Variants in MTCL2 observed in about 807,000 individuals in gnomAD.
MTCL2 encodes the protein microtubule crosslinking factor 2, also known as microtubule cross-linking factor 2.
At chr20:36,821,067 A>G in the MTCL2 span, among the ~76,000 whole-genome samples, 1 of 152,230 alleles carries the variant, frequency 6.6e-6, no homozygotes, top group Admixed American at 6.5e-5. Flanking sequence ...AAGGACATAG[A>G]AGAATACAGT....
At chr20:36,793,337 C>T in the MTCL2 span, 2 of 1,551,860 alleles carry the variant, frequency 1.3e-6, no homozygotes, top group South Asian at 1.2e-5. This position sits in a 1 kb window ranked among gnomAD's most constrained non-coding sequence, Gnocchi z 6.8. Flanking sequence ...GACCTCCTCA[C>T]TGCTGCCCAA....
the MTCL2 span, among the ~76,000 whole-genome samples, chr20:36,850,850 A>G: frequency 1.3e-5 from 2 of 152,242 alleles, no homozygotes; most frequent in Non-Finnish European, 2.9e-5. Context: ...AAACTGTGGT[A>G]CGTCCACGCA....
chr20:36,818,839 A>G, the MTCL2 span, among the ~76,000 whole-genome samples: 1 of 152,232 alleles, frequency 6.6e-6, no homozygotes, highest in African/African-American at 2.4e-5. Context: ...CAGAGCATTA[A>G]AAGGCCAGCA....
the MTCL2 span, among the ~76,000 whole-genome samples, chr20:36,818,343 C>T: frequency 6.6e-6 from 1 of 152,152 alleles, no homozygotes; most frequent in East Asian, 1.9e-4. Context: ...GAGGCCAAGA[C>T]AGGAGGATTG....
chr20:36,840,338 T>A, the MTCL2 span, among the ~76,000 whole-genome samples: 5,048 of 151,490 alleles, frequency 0.033, 322 homozygotes, highest in African/African-American at 0.12. Flanking sequence ...CTAATTTTTT[T>A]TTTTTATTTT....
At chr20:36,857,495 G>C in the MTCL2 span, among the ~76,000 whole-genome samples, 39 of 152,148 alleles carry the variant, frequency 2.6e-4, no homozygotes, top group Non-Finnish European at 5.4e-4. Flanking sequence ...GTGGCTGTGT[G>C]TCTCTGAGCT....
the MTCL2 span, chr20:36,802,887 T>C: frequency 3.8e-6 from 6 of 1,576,644 alleles, no homozygotes; most frequent in Non-Finnish European, 5.2e-6. Context: ...CTCCTTCACC[T>C]GCTGCTCCAC....
chr20:36,837,799 A>G, the MTCL2 span, among the ~76,000 whole-genome samples: 1 of 151,604 alleles, frequency 6.6e-6, no homozygotes, highest in Admixed American at 6.6e-5. Flanking sequence ...CTGGTCTCGA[A>G]CTCCTGACCT....
the MTCL2 span, among the ~76,000 whole-genome samples, chr20:36,852,916 G>A: frequency 2.6e-5 from 4 of 151,998 alleles, no homozygotes. Context: ...AATTAGCCAG[G>A]CATGATGGCA....
the MTCL2 span, chr20:36,786,582 G>A: frequency 6.4e-7 from 1 of 1,551,138 alleles, no homozygotes. Flanking sequence ...GGCAGAGCGG[G>A]ACGATCGGGC....
the MTCL2 span, among the ~76,000 whole-genome samples, chr20:36,828,423 C>T: frequency 2.6e-5 from 4 of 152,124 alleles, no homozygotes; most frequent in African/African-American, 7.2e-5. Context: ...TCAAGCAGGG[C>T]GCATAACACA....
chr20:36,793,747 C>G, the MTCL2 span: 2 of 1,542,214 alleles, frequency 1.3e-6, no homozygotes, highest in Non-Finnish European at 1.7e-6. This position sits in a 1 kb window ranked among gnomAD's most constrained non-coding sequence, Gnocchi z 6.8. Context: ...CAGACCGCCT[C>G]TGGAGCTTTG....
At chr20:36,848,640 A>G in the MTCL2 span, among the ~76,000 whole-genome samples, 16 of 152,220 alleles carry the variant, frequency 1.1e-4, no homozygotes, top group African/African-American at 3.9e-4. Flanking sequence ...GTGGTGCCCA[A>G]GCACACGCAA....
chr20:36,793,888 G>T, the MTCL2 span: 4 of 1,550,456 alleles, frequency 2.6e-6, no homozygotes, highest in Admixed American at 7.8e-5. The surrounding 1 kb of genome is among the most constrained non-coding windows in gnomAD (Gnocchi z 6.8). Flanking sequence ...TGCCATGGAG[G>T]CTGCTGCGGG....
chr20:36,848,015 G>C, the MTCL2 span, among the ~76,000 whole-genome samples: 1 of 152,108 alleles, frequency 6.6e-6, no homozygotes, highest in East Asian at 1.9e-4. Context: ...ACTTAGCTGG[G>C]CATGTGCCTG....
the MTCL2 span, among the ~76,000 whole-genome samples, chr20:36,846,175 C>T: frequency 3.3e-5 from 5 of 151,396 alleles, no homozygotes; most frequent in Admixed American, 1.3e-4. Flanking sequence ...CACTGCACTC[C>T]GGCCTGGGCA....
chr20:36,804,583 T>A, the MTCL2 span, among the ~76,000 whole-genome samples: 1 of 152,198 alleles, frequency 6.6e-6, no homozygotes, highest in African/African-American at 2.4e-5. Context: ...TGTGTGACTT[T>A]AGGCAAGTCT....
chr20:36,799,825 C>T, the MTCL2 span, among the ~76,000 whole-genome samples: 1 of 152,214 alleles, frequency 6.6e-6, no homozygotes, highest in African/African-American at 2.4e-5. Flanking sequence ...CAGGGGTGGG[C>T]TTAAGAAGCA....
chr20:36,851,367 A>AC, the MTCL2 span, among the ~76,000 whole-genome samples: 1 of 152,088 alleles, frequency 6.6e-6, no homozygotes, highest in Admixed American at 6.6e-5. Context: ...ACAAAAGAAA[A>AC]CCCAAATCCC....
Sources: gnomAD v4.1 joint callset for allele counts (sites outside exome capture counted in the v4.1 genomes callset) on GRCh38, gnomAD v4.1.1 for gene constraint, Gnocchi (gnomAD v3.1) non-coding constraint, MANE v1.5 for transcripts, NCBI Gene and HGNC (gene_info 2026-07-23, HGNC 2026-07-21) for gene names.